Variants in LONRF1 observed in about 807,000 individuals in gnomAD.
LONRF1 encodes the protein LON peptidase N-terminal domain and RING finger protein 1.
A neutral mutation model predicts 85.8 loss-of-function variants in LONRF1; 37 were observed. The observed-to-expected ratio is 0.43, with a 90% CI of 0.33 to 0.57. LONRF1 has a LOEUF of 0.57. LONRF1 is among the 20% of genes least tolerant of loss of function. The pLI is 0.04. For synonymous variants in LONRF1, 517 were observed against 390.1 expected (o/e 1.33, Z -3.83); for missense variants, 1,036 against 978.0 (o/e 1.06, Z -0.79).
At chr8:12,736,072 T>C (rs1386594515) in intron 6 of LONRF1, among the ~76,000 whole-genome samples, 1 of 152,152 alleles carries the variant, frequency 6.6e-6, no homozygotes, top group Non-Finnish European at 1.5e-5. Flanking sequence ...ACTTCACAGA[T>C]GAAGAAACCA....
At chr8:12,729,860 A>C (rs1242199703) in intron 8 of LONRF1, among the ~76,000 whole-genome samples, 1 of 152,198 alleles carries the variant, frequency 6.6e-6, no homozygotes, top group Non-Finnish European at 1.5e-5. Flanking sequence ...AAAATGATAT[A>C]ACATTTTTCA....
intron 11 of LONRF1, 102 bp from the exon 12 acceptor site, chr8:12,723,356 G>A (rs902951082): frequency 1.9e-6 from 2 of 1,043,222 alleles, no homozygotes; most frequent in African/African-American, 1.6e-5. Context: ...CTTGTACTAT[G>A]TGCCAGGTGC....
chr8:12,738,954 T>C (rs1798825582), intron 3 of LONRF1, among the ~76,000 whole-genome samples: 1 of 152,136 alleles, frequency 6.6e-6, no homozygotes, highest in South Asian at 2.1e-4. Flanking sequence ...AAATCACAAA[T>C]CATTTATGGA....
chr8:12,728,880 G>C (rs1026617899), intron 10 of LONRF1, 21 bp downstream of exon 10: 2 of 1,613,236 alleles, frequency 1.2e-6, no homozygotes, highest in African/African-American at 1.3e-5. Context: ...AAGTATGCTG[G>C]CAAAGCACAT....
chr8:12,751,907 G>C (rs1359345098), intron 1 of LONRF1, among the ~76,000 whole-genome samples: 2 of 152,102 alleles, frequency 1.3e-5, no homozygotes, highest in Non-Finnish European at 2.9e-5. Flanking sequence ...TAAAAAGACA[G>C]AAAGTTATGA....
At chr8:12,729,527 T>C in intron 8 of LONRF1, 195 bp from the exon 9 acceptor site, 1 of 522,232 alleles carries the variant, frequency 1.9e-6, no homozygotes, top group East Asian at 3.1e-5. Flanking sequence ...ACTGATGAAA[T>C]ATTAATACTG....
intron 1 of LONRF1, among the ~76,000 whole-genome samples, chr8:12,745,527 T>C (rs1799115718): frequency 6.6e-6 from 1 of 152,132 alleles, no homozygotes; most frequent in South Asian, 2.1e-4. Context: ...GTCCTGACTG[T>C]ATCATTAACT....
intron 7 of LONRF1, among the ~76,000 whole-genome samples, chr8:12,735,032 C>A (rs1018389040): frequency 6.6e-6 from 1 of 152,030 alleles, no homozygotes; most frequent in Non-Finnish European, 1.5e-5. Flanking sequence ...ACTAACCATA[C>A]CCACTTTTGT....
At chr8:12,729,744 G>C (rs1014006837) in intron 8 of LONRF1, among the ~76,000 whole-genome samples, 2 of 152,102 alleles carry the variant, frequency 1.3e-5, no homozygotes, top group Non-Finnish European at 2.9e-5. Context: ...AAGAAAAAGT[G>C]AACTCCCACA....
chr8:12,738,233 G>C, intron 3 of LONRF1, 89 bp from the exon 4 acceptor site: 1 of 899,740 alleles, frequency 1.1e-6, no homozygotes, highest in Non-Finnish European at 1.6e-6. Context: ...AGAATATGTA[G>C]AAAGTTTGTA....
intron 9 of LONRF1, 45 bp from the exon 10 acceptor site, chr8:12,729,108 G>C: frequency 6.2e-7 from 1 of 1,611,466 alleles, no homozygotes; most frequent in Non-Finnish European, 8.5e-7. Flanking sequence ...ACATAAACAT[G>C]CAAGTTCTCA....
At chr8:12,723,746 G>T (rs1416842211) in intron 11 of LONRF1, among the ~76,000 whole-genome samples, 1 of 152,240 alleles carries the variant, frequency 6.6e-6, no homozygotes, top group Non-Finnish European at 1.5e-5. Context: ...CTAGTTGACA[G>T]CCACTTTCTT....
intron 1 of LONRF1, among the ~76,000 whole-genome samples, chr8:12,745,606 G>A (rs1489026529): frequency 6.6e-6 from 1 of 152,194 alleles, no homozygotes; most frequent in Non-Finnish European, 1.5e-5. Context: ...CTACAGACGA[G>A]TCACCTCACT....
Position 12,747,615 on chromosome 8 carries a change from TTCTA to T in LONRF1, c.722-4337_722-4334del, listed in dbSNP as rs1799214070. ...ATGAGCTAAGCAGAGGAGGTTAGCC[TTCTA>T]GGCAGAAAAGGTTTAAAGAAAGCAG... On this transcript the variant is annotated intron_variant, in intron 1 of 11. Transcript: ENST00000398246. Among the ~76,000 whole-genome samples the T allele has an allele frequency of 2.1e-5, 3 of 144,580 alleles. No individual in the cohort carries two copies. In the South Asian group the frequency reaches 6.5e-4, roughly 32 times the overall value. 94.9% of individuals were successfully genotyped at this position (144,580 alleles called of 152,430 possible).
chr8:12,746,822 TCTAG>T (rs1799176408), intron 1 of LONRF1, among the ~76,000 whole-genome samples: 2 of 152,170 alleles, frequency 1.3e-5, no homozygotes. Context: ...GCTCCAGAGT[TCTAG>T]CTGTTTACCT....
chr8:12,732,194 C>G (rs1798553168), intron 7 of LONRF1, among the ~76,000 whole-genome samples: 1 of 152,170 alleles, frequency 6.6e-6, no homozygotes, highest in Non-Finnish European at 1.5e-5. Flanking sequence ...CTCATGGGCA[C>G]TAAACTATCA....
Position 12,734,993 on chromosome 8 carries a change from C to T in LONRF1, c.1566+293G>A, listed in dbSNP as rs892838532. 2.0e-5 allele frequency among the ~76,000 whole-genome samples: 3 copies of T among 151,892 alleles called. No homozygotes were observed. The East Asian group carries it at 5.8e-4, about 29-fold the overall frequency. On this transcript the variant is annotated intron_variant, in intron 7 of 11. Coordinates refer to ENST00000398246, the MANE Select transcript of LONRF1 (RefSeq NM_152271.5). ...TAGGGTTTCCCCAGTATAGTCATCA[C>T]CAAAATTGAACTTATCCCTGACCAG... is the stretch of plus-strand genomic sequence containing the variant.
At chr8:12,733,305 A>G (rs6530956) in intron 7 of LONRF1, among the ~76,000 whole-genome samples, 122,601 of 151,580 alleles carry the variant, frequency 0.81, 52,976 homozygotes, top group Non-Finnish European at 0.95. Flanking sequence ...CCACTCTTAC[A>G]TTACTGATAA....
At chr8:12,736,125 G>C (rs547983260) in intron 6 of LONRF1, among the ~76,000 whole-genome samples, 2 of 152,206 alleles carry the variant, frequency 1.3e-5, no homozygotes, top group East Asian at 3.9e-4. Context: ...ACTGCTACCA[G>C]CCTAGTGTGA....
Sources: allele counts gnomAD v4.1 joint callset (sites outside exome capture counted in the v4.1 genomes callset), GRCh38; gene constraint gnomAD v4.1.1; transcripts MANE v1.5; gene names NCBI Gene and HGNC (gene_info 2026-07-23, HGNC 2026-07-21).